Variants in FHIT observed in about 807,000 individuals in gnomAD.
The protein encoded by FHIT is bis(5'-adenosyl)-triphosphatase.
In FHIT, 19 loss-of-function variants were observed where a neutral mutation model predicts 17.9. The ratio of observed to expected loss-of-function variants is 1.06; its 90% CI spans 0.74 to 1.56. The LOEUF (loss-of-function observed/expected upper bound fraction) is 1.56. Ranked by LOEUF, FHIT falls within the 40% of genes most tolerant of loss-of-function variation. FHIT has a pLI of 0.00. For missense variants in FHIT, 248 were observed against 189.2 expected, an observed-to-expected ratio of 1.31 and a Z score of -1.82; for synonymous variants, 81 against 69.7, an observed-to-expected ratio of 1.16 and a Z score of -0.81.
At chr3:60,874,162 T>C (rs1553755719) in intron 3 of FHIT, among the ~76,000 whole-genome samples, 1 of 152,164 alleles carries the variant, frequency 6.6e-6, no homozygotes, top group African/African-American at 2.4e-5. Flanking sequence ...AGGCTAATGG[T>C]AATACCTACA....
intron 2 of FHIT, among the ~76,000 whole-genome samples, chr3:61,077,909 CACTG>C (rs2035019845): frequency 1.3e-5 from 2 of 152,272 alleles, no homozygotes; most frequent in African/African-American, 2.4e-5. Flanking sequence ...ATGATTGATG[CACTG>C]ACTGACTGTT....
chr3:61,032,231 C>T (rs1417416366), intron 3 of FHIT, among the ~76,000 whole-genome samples: 2 of 152,190 alleles, frequency 1.3e-5, no homozygotes, highest in Non-Finnish European at 2.9e-5. Context: ...AACTTGTCCA[C>T]ATGAAACTTA....
chr3:60,881,318 G>C (rs1284440326), intron 3 of FHIT, among the ~76,000 whole-genome samples: 2 of 152,190 alleles, frequency 1.3e-5, no homozygotes, highest in Non-Finnish European at 2.9e-5. Flanking sequence ...TCCAAAGGGA[G>C]AGATAGACCC....
intron 4 of FHIT, among the ~76,000 whole-genome samples, chr3:60,549,958 C>T (rs764067580): frequency 4.6e-5 from 7 of 152,130 alleles, no homozygotes; most frequent in East Asian, 3.9e-4. Context: ...CTAGAAGGCA[C>T]GAATGTCTTT....
intron 8 of FHIT, among the ~76,000 whole-genome samples, chr3:59,822,903 T>C (rs923327643): frequency 2.6e-5 from 4 of 152,192 alleles, no homozygotes; most frequent in Non-Finnish European, 5.9e-5. Flanking sequence ...TTTTTTCTGA[T>C]ATTATCTTCC....
chr3:60,406,518 A>G (rs886687367), intron 5 of FHIT, among the ~76,000 whole-genome samples: 1 of 152,106 alleles, frequency 6.6e-6, no homozygotes, highest in Non-Finnish European at 1.5e-5. Flanking sequence ...AGAGAAATCA[A>G]TTTCCTTTAT....
intron 1 of FHIT, among the ~76,000 whole-genome samples, chr3:61,208,505 G>C (rs1388546263): frequency 6.6e-6 from 1 of 152,032 alleles, no homozygotes; most frequent in Non-Finnish European, 1.5e-5. Context: ...CTCCTGTATT[G>C]GGTGCATATA....
At position 60,533,679 on chromosome 3, in the gene FHIT, A is replaced by C. The variant is rs2594262; in HGVS notation, c.103+3181T>G. ...ATGAAAAGCATGGGGAGGAATCTCC[A>C]GTTGAGGTGAGGGGCAGGAGAAAGT... On this transcript the variant is annotated intron_variant, in intron 5 of 9. Transcript: ENST00000492590. Among the ~76,000 whole-genome samples, 1,085 of 152,308 alleles carry C rather than the reference A, an allele frequency of 7.1e-3. 5 individuals carry two copies. Among genetic ancestry groups the C allele is most frequent in the Non-Finnish European group, 0.011 (715 of 68,018 alleles).
intron 7 of FHIT, among the ~76,000 whole-genome samples, chr3:59,972,390 C>A (rs1018039753): frequency 6.6e-6 from 1 of 152,028 alleles, no homozygotes; most frequent in Non-Finnish European, 1.5e-5. Context: ...CACTAGCCAT[C>A]CCCAGACTAT....
At chr3:60,397,643 T>C (rs1201817590) in intron 5 of FHIT, among the ~76,000 whole-genome samples, 1 of 152,128 alleles carries the variant, frequency 6.6e-6, no homozygotes, top group African/African-American at 2.4e-5. Context: ...AGCCTACTGA[T>C]AGCGACAGGA....
chr3:59,755,301 A>AAAT, intron 8 of FHIT, among the ~76,000 whole-genome samples: 1 of 152,184 alleles, frequency 6.6e-6, no homozygotes, highest in Non-Finnish European at 1.5e-5. Context: ...ATCTCTGCAG[A>AAAT]AATAGGGAGC....
At chr3:60,553,454 A>C (rs2036626353) in intron 4 of FHIT, 2 of 379,086 alleles carry the variant, frequency 5.3e-6, no homozygotes, top group Admixed American at 1.3e-4. Flanking sequence ...ATATATATAT[A>C]TATATTTTAT....
intron 4 of FHIT, among the ~76,000 whole-genome samples, chr3:60,729,280 T>C (rs542605559): frequency 3.3e-5 from 5 of 152,282 alleles, no homozygotes; most frequent in East Asian, 3.9e-4. Flanking sequence ...GATGCGCCAG[T>C]GTGGAAATGA....
intron 5 of FHIT, among the ~76,000 whole-genome samples, chr3:60,335,948 A>G (rs993759755): frequency 3.9e-5 from 6 of 152,228 alleles, no homozygotes; most frequent in African/African-American, 1.4e-4. Flanking sequence ...TGCATATGTT[A>G]ACACAGAACA....
At chr3:60,276,080 T>C (rs1576406958) in intron 5 of FHIT, among the ~76,000 whole-genome samples, 1 of 151,568 alleles carries the variant, frequency 6.6e-6, no homozygotes, top group African/African-American at 2.4e-5. Flanking sequence ...CTCTGCCTCC[T>C]GGGTTCACGC....
chr3:60,969,397 C>T (rs1709901313), intron 3 of FHIT, among the ~76,000 whole-genome samples: 1 of 151,532 alleles, frequency 6.6e-6, no homozygotes, highest in Non-Finnish European at 1.5e-5. Flanking sequence ...ACTTTCTTTG[C>T]ATTTATTCTG....
intron 5 of FHIT, among the ~76,000 whole-genome samples, chr3:60,332,852 C>T (rs1322546726): frequency 6.6e-6 from 1 of 152,174 alleles, no homozygotes; most frequent in African/African-American, 2.4e-5. Context: ...TCACAGCCAA[C>T]TCAGAGGAAG....
At chr3:61,238,322 A>C (rs540210559) in intron 1 of FHIT, among the ~76,000 whole-genome samples, 1 of 152,320 alleles carries the variant, frequency 6.6e-6, no homozygotes, top group African/African-American at 2.4e-5. Flanking sequence ...CAGTAACAGA[A>C]GATGGCCCAG....
intron 5 of FHIT, among the ~76,000 whole-genome samples, chr3:60,405,596 G>A (rs774198998): frequency 6.6e-5 from 10 of 152,306 alleles, no homozygotes; most frequent in South Asian, 2.1e-4. Context: ...TGGGCAGGGC[G>A]CCCCCTGTGG....
Sources: allele counts gnomAD v4.1 joint callset (sites outside exome capture counted in the v4.1 genomes callset), GRCh38; gene constraint gnomAD v4.1.1; transcripts MANE v1.5; gene names NCBI Gene and HGNC (gene_info 2026-07-23, HGNC 2026-07-21).